Variants in PARD3B observed in about 807,000 individuals in gnomAD.
PARD3B encodes par-3 family cell polarity regulator beta.
In PARD3B, 103 loss-of-function variants were observed where a neutral mutation model predicts 130.2. The observed-to-expected ratio is 0.79, with a 90% CI of 0.67 to 0.93. The LOEUF is 0.93. Ranked by LOEUF, PARD3B falls within the 40% of genes least tolerant of loss-of-function variation. The pLI is 0.00. For synonymous variants in PARD3B, 583 were observed against 553.2 expected (o/e 1.05, Z -0.76); for missense variants, 1,609 against 1,499.2 (o/e 1.07, Z -1.21).
intron 16 of PARD3B, among the ~76,000 whole-genome samples, chr2:205,254,981 A>C (rs895818560): frequency 1.3e-5 from 2 of 151,820 alleles, no homozygotes; most frequent in Non-Finnish European, 2.9e-5. Context: ...AGTATTATTA[A>C]CCAGTTATAC....
intron 2 of PARD3B, among the ~76,000 whole-genome samples, chr2:204,912,798 CT>C (rs2047289673): frequency 6.6e-6 from 1 of 152,154 alleles, no homozygotes; most frequent in South Asian, 2.1e-4. Flanking sequence ...ATTCTTCCTT[CT>C]CTTAACATTA....
intron 3 of PARD3B, among the ~76,000 whole-genome samples, chr2:205,026,589 A>G (rs1030189328): frequency 2.0e-5 from 3 of 152,094 alleles, no homozygotes; most frequent in African/African-American, 7.2e-5. Context: ...ACAACACAGT[A>G]TTATTAACTA....
At chr2:205,080,572 CTT>C (rs1366112268) in intron 4 of PARD3B, among the ~76,000 whole-genome samples, 1 of 152,064 alleles carries the variant, frequency 6.6e-6, no homozygotes, top group Admixed American at 6.6e-5. Flanking sequence ...TTATTCTACT[CTT>C]GATGAATATT....
chr2:204,986,813 G>A (rs1030473352), intron 3 of PARD3B, among the ~76,000 whole-genome samples: 6 of 152,204 alleles, frequency 3.9e-5, no homozygotes, highest in South Asian at 4.2e-4. Context: ...CACCTTTTAC[G>A]TCCTGCCATA....
At chr2:205,542,781 A>C (rs2052214083) in intron 21 of PARD3B, among the ~76,000 whole-genome samples, 1 of 152,200 alleles carries the variant, frequency 6.6e-6, no homozygotes, top group Non-Finnish European at 1.5e-5. Context: ...TTTAGATTCC[A>C]AATGGTTTCG....
chr2:205,466,433 A>C (rs2048625654), intron 20 of PARD3B, among the ~76,000 whole-genome samples: 1 of 152,108 alleles, frequency 6.6e-6, no homozygotes, highest in Non-Finnish European at 1.5e-5. Context: ...ATTAGTGTCC[A>C]TGCTTTGACC....
chr2:205,540,743 T>A (rs980379901), intron 21 of PARD3B, among the ~76,000 whole-genome samples: 1 of 152,226 alleles, frequency 6.6e-6, no homozygotes, highest in Non-Finnish European at 1.5e-5. Flanking sequence ...GCAGCAAGAA[T>A]GACATTAATT....
intron 3 of PARD3B, among the ~76,000 whole-genome samples, chr2:204,977,704 C>T (rs768587766): frequency 3.4e-5 from 5 of 145,394 alleles, no homozygotes; most frequent in Non-Finnish European, 7.5e-5. Flanking sequence ...CCCAGCTACT[C>T]GGGAGGCTGA....
At chr2:205,075,495 T>C (rs1700987579) in intron 4 of PARD3B, among the ~76,000 whole-genome samples, 1 of 151,918 alleles carries the variant, frequency 6.6e-6, no homozygotes, top group African/African-American at 2.4e-5. Context: ...AAATCCAAGA[T>C]CATATATTAA....
At chr2:204,971,240 G>A (rs1347563953) in intron 3 of PARD3B, among the ~76,000 whole-genome samples, 2 of 152,170 alleles carry the variant, frequency 1.3e-5, no homozygotes, top group Non-Finnish European at 2.9e-5. Context: ...CCTTTAATTA[G>A]GCTGCTGTGT....
chr2:204,961,186 A>G (rs570186481), intron 2 of PARD3B, among the ~76,000 whole-genome samples: 1 of 152,322 alleles, frequency 6.6e-6, no homozygotes, highest in Non-Finnish European at 1.5e-5. Context: ...CAGAGGAGAC[A>G]GGTGATCCAA....
At chr2:204,981,467 C>T (rs1226347936) in intron 3 of PARD3B, among the ~76,000 whole-genome samples, 1 of 152,188 alleles carries the variant, frequency 6.6e-6, no homozygotes, top group African/African-American at 2.4e-5. Context: ...TTAATTCCCT[C>T]TTTCCCAGTG....
At chr2:205,200,932 T>A (rs1443418637) in intron 15 of PARD3B, among the ~76,000 whole-genome samples, 1 of 152,184 alleles carries the variant, frequency 6.6e-6, no homozygotes, top group Admixed American at 6.5e-5. Flanking sequence ...CCCTGGTTCT[T>A]AGCTGCTTGC....
rs149756431 is a variant in PARD3B at position 205,388,303 on chromosome 2, A to G, written c.2631-12710A>G. ...TCTGCAGGAATTACTCATCTGTGGT[A>G]TTGAAGAAAGGAAAAATTAGCCATT... On this transcript the variant is annotated intron_variant, in intron 18 of 22. Coordinates refer to ENST00000406610, the MANE Select transcript of PARD3B (RefSeq NM_001302769.2). Among the ~76,000 whole-genome samples the G allele has an allele frequency of 1.4e-3, 214 of 152,372 alleles. 2 individuals are homozygous for G. The highest frequency in any genetic ancestry group is 4.8e-3 in the African/African-American group (201 of 41,600).
At chr2:204,723,308 A>T (rs906284544) in intron 2 of PARD3B, among the ~76,000 whole-genome samples, 13 of 152,172 alleles carry the variant, frequency 8.5e-5, no homozygotes, top group Admixed American at 3.3e-4. Flanking sequence ...TTCATAAACG[A>T]TTCAAATCAA....
intron 1 of PARD3B, among the ~76,000 whole-genome samples, chr2:204,613,943 T>C (rs923337411): frequency 6.6e-6 from 1 of 152,170 alleles, no homozygotes; most frequent in Non-Finnish European, 1.5e-5. Context: ...ATTGTTCATA[T>C]TTGAGTGAGT....
intron 2 of PARD3B, among the ~76,000 whole-genome samples, chr2:204,899,463 A>G (rs998599528): frequency 2.8e-4 from 43 of 152,294 alleles, no homozygotes; most frequent in African/African-American, 1.0e-3. Flanking sequence ...ATGACAGCTT[A>G]CCACTGATTG....
intron 18 of PARD3B, among the ~76,000 whole-genome samples, chr2:205,319,278 A>G (rs1485607288): frequency 6.6e-6 from 1 of 152,168 alleles, no homozygotes; most frequent in African/African-American, 2.4e-5. Flanking sequence ...CCGCTCCCGT[A>G]GCATTGCCTA....
At chr2:205,103,207 A>G (rs907538751) in intron 4 of PARD3B, among the ~76,000 whole-genome samples, 3 of 137,118 alleles carry the variant, frequency 2.2e-5, no homozygotes, top group Non-Finnish European at 4.7e-5. Flanking sequence ...TTATGTAAAC[A>G]TTTTATATTT....
Sources: gnomAD v4.1 joint callset for allele counts (sites outside exome capture counted in the v4.1 genomes callset) on GRCh38, gnomAD v4.1.1 for gene constraint, MANE v1.5 for transcripts, NCBI Gene and HGNC (gene_info 2026-07-23, HGNC 2026-07-21) for gene names.